Variants in DNAH5 observed in about 807,000 individuals in gnomAD.
DNAH5 encodes dynein axonemal heavy chain 5.
A neutral mutation model predicts 518.2 loss-of-function variants in DNAH5; 372 were observed. The observed-to-expected ratio is 0.72, with a 90% CI of 0.66 to 0.78. The LOEUF (loss-of-function observed/expected upper bound fraction) is 0.78, where lower values mean the gene tolerates loss of function less well. Ranked by LOEUF, DNAH5 falls within the 30% of genes least tolerant of loss-of-function variation. The pLI is 0.00. For missense variants in DNAH5, 5,523 were observed against 5,687.0 expected (o/e 0.97, Z 0.93); for synonymous variants, 2,039 against 2,025.9 (o/e 1.01, Z -0.17).
At position 13,882,822 on chromosome 5, in the gene DNAH5, T is replaced by C. The variant is rs377328398; in HGVS notation, c.3175-7A>G. On this transcript the variant is annotated splice_polypyrimidine_tract_variant and splice_region_variant and intron_variant, in intron 20 of 78. Coordinates refer to ENST00000265104, the MANE Select transcript of DNAH5 (RefSeq NM_001369.3). ...TTCTTTCTTGTATCTTTTTCTACAATGTAAAAGGATATTTTTCAGTTCTGT... is the reference window on the plus strand; with the variant it reads ...TTCTTTCTTGTATCTTTTTCTACAACGTAAAAGGATATTTTTCAGTTCTGT... 4.3e-6 allele frequency: 7 copies of C among 1,613,830 alleles called. No homozygotes were observed. The African/African-American group carries it at 5.3e-5, about 12-fold the overall frequency.
In DNAH5 at chr5:13,830,688, A is replaced by G. The variant is rs767150989; in HGVS notation, c.5970T>C (p.Thr1990=). 5 of 1,614,050 alleles carry G rather than the reference A, an allele frequency of 3.1e-6. No homozygotes were observed. In the African/African-American group the frequency reaches 6.7e-5, roughly 22 times the overall value. ...GPAGTGKTET[T]KDMGRCLGKY... is the part of the protein sequence containing the mutation. ...TCCCGAGGCATCGTCCCATGTCTTT[A>G]GTGGTTTCTGTTTTGCCTGTGCCTG... The change falls in exon 36 of 79, where the codon ACT becomes ACC. Residue 1990 remains threonine (T), a synonymous_variant. Coordinates refer to ENST00000265104, the MANE Select transcript of DNAH5 (RefSeq NM_001369.3).
intron 55 of DNAH5, chr5:13,771,403 G>T: frequency 5.4e-6 from 1 of 184,818 alleles, no homozygotes; most frequent in South Asian, 1.1e-4. Flanking sequence ...AGTCCACCCT[G>T]GCTCTGACTG....
Position 13,691,733 on chromosome 5 carries a change from AC to A in DNAH5, c.*250del, listed in dbSNP as rs1416200108. ...ATATACTACTGTGGATTTGAGGGCCACACTTCATTAGGATGCTGTAAATTTA... is the reference window on the plus strand; with the variant it reads ...ATATACTACTGTGGATTTGAGGGCCAACTTCATTAGGATGCTGTAAATTTA... On this transcript the variant is annotated 3_prime_UTR_variant, in exon 79 of 79. Transcript: ENST00000265104. 1 of 491,726 alleles carries A rather than the reference AC, an allele frequency of 2.0e-6. No individual in the cohort carries two copies. The highest frequency in any genetic ancestry group is 3.7e-6 in the Non-Finnish European group (1 of 272,176). The allele number at this position is 491,726 out of a possible 1,614,324, so 30.5% of individuals were successfully genotyped here.
chr5:13,734,382 C>T lies in DNAH5; in HGVS notation c.11761+749G>A, dbSNP rs182096294. On this transcript the variant is annotated intron_variant, in intron 68 of 78. Transcript: ENST00000265104. ...ACACAGTTACTTCAAATATTTTTTT[C>T]AAGACATTCAAGAATGTGATAGTGA... is the stretch of plus-strand genomic sequence containing the variant. Among the ~76,000 whole-genome samples, 139 of 152,154 alleles carry T rather than the reference C, an allele frequency of 9.1e-4. 1 individual carries two copies. Among genetic ancestry groups the T allele is most frequent in the African/African-American group, 3.2e-3 (134 of 41,544 alleles).
chr5:13,811,699 G>A lies in DNAH5; in HGVS notation c.7355C>T (p.Ala2452Val), dbSNP rs773082893. The A allele has an allele frequency of 4.1e-5, 66 of 1,614,040 alleles. No homozygotes were observed. The highest frequency in any genetic ancestry group is 5.4e-5 in the Non-Finnish European group (64 of 1,180,032). The change falls in exon 44 of 79, where the codon GCC (alanine) becomes GTC (valine). Residue 2452 changes from alanine to valine, a missense_variant. This residue lies in a region of DNAH5 where 5,121 missense variants were observed against 5,223.3 expected (regional missense o/e 0.98). Coordinates refer to ENST00000265104, the MANE Select transcript of DNAH5 (RefSeq NM_001369.3). ...NLEYKMEVLE[A>V]FVITQSINML... is the part of the protein sequence containing the mutation. ...GTTAATGCTCTGTGTGATGACAAAG[G>A]CCTCCAGCACCTCCATCTTGTATTC... is the stretch of plus-strand genomic sequence containing the variant.
At chr5:13,886,164 G>A (rs537525743) in intron 17 of DNAH5, 35 bp from the exon 18 acceptor site, 1 of 1,539,904 alleles carries the variant, frequency 6.5e-7, no homozygotes, top group South Asian at 1.2e-5. Context: ...AGATAGCACA[G>A]TGGTATATGG....
At chr5:13,876,406 ATAT>A (rs1415439044) in intron 22 of DNAH5, among the ~76,000 whole-genome samples, 12 of 152,236 alleles carry the variant, frequency 7.9e-5, no homozygotes. Context: ...AGTTTGGAAC[ATAT>A]TAGATTTTTT....
chr5:13,984,710 T>C (rs1302711257), intron 1 of DNAH5, among the ~76,000 whole-genome samples: 1 of 152,216 alleles, frequency 6.6e-6, no homozygotes, highest in Non-Finnish European at 1.5e-5. Flanking sequence ...TCCATCAATA[T>C]CTAATTTATT....
At position 13,992,430 on chromosome 5, in the gene DNAH5, T is replaced by A. The variant is rs4702006; in HGVS notation, c.12+19218A>T. 8.1e-4 allele frequency among the ~76,000 whole-genome samples: 123 copies of A among 152,082 alleles called. 1 individual carries two copies. The highest frequency in any genetic ancestry group is 1.4e-3 in the Non-Finnish European group (93 of 68,008). On this transcript the variant is annotated intron_variant, in intron 1 of 78. Transcript: ENST00000681290. Reference sequence around the variant, plus strand: ...TCTCTTTTCAGAATTTTTGTATCACTTTCTTGTAAAGGTCATTTGTACCTA... The same window carrying A: ...TCTCTTTTCAGAATTTTTGTATCACATTCTTGTAAAGGTCATTTGTACCTA...
chr5:13,976,240 C>T (rs1782232542), intron 1 of DNAH5, among the ~76,000 whole-genome samples: 2 of 152,130 alleles, frequency 1.3e-5, no homozygotes, highest in African/African-American at 4.8e-5. Flanking sequence ...TACAGTAGTT[C>T]CCCCTTATCT....
At chr5:13,857,018 C>G (rs574729846) in intron 30 of DNAH5, among the ~76,000 whole-genome samples, 2 of 152,292 alleles carry the variant, frequency 1.3e-5, no homozygotes, top group South Asian at 4.1e-4. Context: ...CCAGGGCAAT[C>G]AGGCAAGAGA....
At chr5:13,769,869 A>G (rs1753091717) in intron 56 of DNAH5, among the ~76,000 whole-genome samples, 2 of 152,242 alleles carry the variant, frequency 1.3e-5, no homozygotes, top group Admixed American at 1.3e-4. Flanking sequence ...TAGGAACGAC[A>G]GTAAGGCTAG....
At chr5:13,773,293 A>T (rs1297353707) in intron 55 of DNAH5, among the ~76,000 whole-genome samples, 1 of 152,216 alleles carries the variant, frequency 6.6e-6, no homozygotes, top group Non-Finnish European at 1.5e-5. Flanking sequence ...GGTCCAAGAA[A>T]ATGGGAAAAT....
Position 13,713,299 on chromosome 5 carries a change from C to T in DNAH5, c.13125+1106G>A, listed in dbSNP as rs1033351066. On this transcript the variant is annotated intron_variant, in intron 75 of 78. Coordinates refer to ENST00000265104, the MANE Select transcript of DNAH5 (RefSeq NM_001369.3). ...CATATATATACCAACATATATATAC[C>T]GACATATATATATACCGACATATAT... Among the ~76,000 whole-genome samples the T allele has an allele frequency of 9.4e-5, 11 of 117,234 alleles. No individual in the cohort carries two copies. The East Asian group carries it at 1.4e-3, about 15-fold the overall frequency. The allele number at this position is 117,234 out of a possible 152,430, so 76.9% of individuals were successfully genotyped here. A position where few individuals can be genotyped will look rare whatever the true frequency, so the allele number is the denominator to read the frequency against.
chr5:13,731,073 A>G (rs1032841277), intron 68 of DNAH5, among the ~76,000 whole-genome samples: 2 of 152,214 alleles, frequency 1.3e-5, no homozygotes, highest in Non-Finnish European at 2.9e-5. Flanking sequence ...TGAACAGAGT[A>G]GGTTATAAAC....
At chr5:13,973,588 A>G (rs1241521388) in intron 1 of DNAH5, among the ~76,000 whole-genome samples, 3 of 152,210 alleles carry the variant, frequency 2.0e-5, no homozygotes, top group Non-Finnish European at 2.9e-5. Flanking sequence ...GAGGATGTTA[A>G]TTATAGGACC....
At chr5:13,956,742 T>G (rs144842439) in intron 1 of DNAH5, among the ~76,000 whole-genome samples, 1,602 of 152,338 alleles carry the variant, frequency 0.011, 31 homozygotes, top group African/African-American at 0.036. Flanking sequence ...TTTTCCTGCA[T>G]AGCAGGTGCT....
intron 1 of DNAH5, among the ~76,000 whole-genome samples, chr5:13,953,703 T>C (rs2152038716): frequency 6.6e-6 from 1 of 152,288 alleles, no homozygotes; most frequent in East Asian, 1.9e-4. Context: ...CTTCTTGTTT[T>C]GTTTTATTTT....
chr5:13,931,193 G>A lies in DNAH5; in HGVS notation c.109C>T (p.His37Tyr). The A allele has an allele frequency of 1.9e-6, 3 of 1,614,114 alleles. No homozygotes were observed. In the South Asian group the frequency reaches 3.3e-5, roughly 18 times the overall value. Residue 37 changes from histidine (H) to tyrosine (Y), a missense_variant, in exon 2 of 79, where the codon CAT becomes TAT. Physicochemically the swap from His to Tyr is moderately conservative, Grantham distance 83 (BLOSUM62 2). Coordinates refer to ENST00000265104, the MANE Select transcript of DNAH5 (RefSeq NM_001369.3). ...GCCACAATTGCAAATAAGTAGTTAT[G>A]CCTCGCATCCAAAAGAGCCCGCTTG... The part of the protein sequence containing the change: ...EAKRALLDAR[H>Y]NYLFAIVASC...
Sources: gnomAD v4.1 joint callset for allele counts (sites outside exome capture counted in the v4.1 genomes callset) on GRCh38, gnomAD v4.1.1 for gene constraint, gnomAD v4.1.1 regional missense constraint, MANE v1.5 for transcripts, NCBI Gene and HGNC (gene_info 2026-07-23, HGNC 2026-07-21) for gene names.